The following SFTPD variants were observed in gnomAD, a reference collection of about 807,000 sequenced individuals.
SFTPD encodes pulmonary surfactant-associated protein D.
SFTPD carries 18 observed loss-of-function variants against 34.6 expected under a neutral mutation model. The observed-to-expected ratio is 0.52, with a 90% CI of 0.36 to 0.77. The LOEUF (loss-of-function observed/expected upper bound fraction) is 0.77. Among genes scored for constraint, SFTPD ranks in the 30% least tolerant of loss-of-function variants. SFTPD has a pLI of 0.00. For synonymous variants in SFTPD, 155 were observed against 180.9 expected, an observed-to-expected ratio of 0.86 and a Z score of 1.15; for missense variants, 433 against 468.9, an observed-to-expected ratio of 0.92 and a Z score of 0.71.
intron 1 of SFTPD, among the ~76,000 whole-genome samples, chr10:79,947,891 C>T (rs911720257): frequency 5.9e-5 from 9 of 152,224 alleles, no homozygotes; most frequent in East Asian, 1.9e-4. Flanking sequence ...AATGAGAAAC[C>T]GTAAAGTTAT....
At chr10:79,957,134 A>T (rs926284772) in intron 1 of SFTPD, among the ~76,000 whole-genome samples, 5 of 152,170 alleles carry the variant, frequency 3.3e-5, no homozygotes, top group African/African-American at 1.2e-4. Flanking sequence ...GGACATCCAC[A>T]CCAAAAACCC....
chr10:79,949,345 G>A (rs1477242997), upstream of SFTPD, among the ~76,000 whole-genome samples: 1 of 152,188 alleles, frequency 6.6e-6, no homozygotes, highest in Admixed American at 6.5e-5. Context: ...CTGCAGCTCT[G>A]TGAATTAAGT....
At chr10:79,961,606 A>G (rs1355290398) in intron 1 of SFTPD, among the ~76,000 whole-genome samples, 1 of 152,208 alleles carries the variant, frequency 6.6e-6, no homozygotes, top group Admixed American at 6.5e-5. Context: ...ACCATCTCAC[A>G]CCAGTTAGAA....
intron 1 of SFTPD, among the ~76,000 whole-genome samples, chr10:79,957,207 A>C (rs1842745258): frequency 1.3e-5 from 2 of 152,234 alleles, no homozygotes; most frequent in Admixed American, 1.3e-4. Context: ...GGGAAAAAAC[A>C]GAGCAGAAAA....
intron 1 of SFTPD, among the ~76,000 whole-genome samples, chr10:79,980,013 T>A (rs2132530493): frequency 6.6e-6 from 1 of 152,260 alleles, no homozygotes; most frequent in South Asian, 2.1e-4. Flanking sequence ...TCTAGACTCA[T>A]CTTGGGCCTG....
At chr10:79,980,815 C>T (rs190012910) in intron 1 of SFTPD, among the ~76,000 whole-genome samples, 89 of 152,338 alleles carry the variant, frequency 5.8e-4, no homozygotes, top group Middle Eastern at 3.4e-3. Flanking sequence ...AATTCGATTA[C>T]GACGCTCATT....
chr10:79,950,339 T>G (rs1272660300), upstream of SFTPD: 1 of 152,254 alleles, frequency 6.6e-6, no homozygotes, highest in Non-Finnish European at 1.5e-5. Context: ...TTCATTTCCA[T>G]GTTTAGAACT....
chr10:79,978,670 A>G, intron 1 of SFTPD, among the ~76,000 whole-genome samples: 1 of 151,390 alleles, frequency 6.6e-6, no homozygotes, highest in African/African-American at 2.4e-5. Context: ...AAAAAAAAAA[A>G]AAAAAAAGGT....
intron 3 of SFTPD, 109 bp from the exon 4 acceptor site, chr10:79,942,613 C>T (rs1842625462): frequency 1.1e-6 from 1 of 918,672 alleles, no homozygotes; most frequent in Non-Finnish European, 1.8e-6. Context: ...TTGTTGTCCT[C>T]CCAACAGCAG....
intron 1 of SFTPD, among the ~76,000 whole-genome samples, chr10:79,967,197 T>G (rs2132518664): frequency 7.8e-6 from 1 of 127,658 alleles, no homozygotes; most frequent in African/African-American, 3.2e-5. Flanking sequence ...GAACTCCCAT[T>G]CACAATTGCT....
At chr10:79,941,689 T>C (rs1024108648) in intron 5 of SFTPD, among the ~76,000 whole-genome samples, 175 bp from the exon 6 acceptor site, 1 of 152,054 alleles carries the variant, frequency 6.6e-6, no homozygotes, top group African/African-American at 2.4e-5. Context: ...CACCCAGCAA[T>C]CAACCCCGCT....
intron 1 of SFTPD, among the ~76,000 whole-genome samples, chr10:79,948,394 G>T (rs904069450): frequency 6.6e-6 from 1 of 152,200 alleles, no homozygotes; most frequent in Non-Finnish European, 1.5e-5. Flanking sequence ...GGAGAGGGCA[G>T]ACCCGGGTTT....
chr10:79,938,238 G>A lies in SFTPD; in HGVS notation c.752-10C>T. ...TTTGGGAAGAGCTCAACTAGGAGAA[G>A]AAGAAAGTCAGGTTGGGGTTGTGGC... On this transcript the variant is annotated splice_polypyrimidine_tract_variant and intron_variant, in intron 7 of 7. Transcript: ENST00000372292. 1 of 1,577,748 alleles carries A rather than the reference G, an allele frequency of 6.3e-7. No homozygotes were observed. The highest frequency in any genetic ancestry group is 8.6e-7 in the Non-Finnish European group (1 of 1,157,834).
At chr10:79,943,948 T>C (rs1255293263) in intron 2 of SFTPD, among the ~76,000 whole-genome samples, 1 of 151,834 alleles carries the variant, frequency 6.6e-6, no homozygotes, top group Non-Finnish European at 1.5e-5. Context: ...CAGAAGAGAG[T>C]GTTAGAGCCC....
chr10:79,972,260 G>A (rs1174408259), intron 1 of SFTPD: 1 of 152,260 alleles, frequency 6.6e-6, no homozygotes, highest in Non-Finnish European at 1.5e-5. Context: ...AGACCTTTGG[G>A]AGGCCAAGGC....
chr10:79,942,240 TTG>T, intron 4 of SFTPD, 146 bp downstream of exon 4: 1 of 723,374 alleles, frequency 1.4e-6, no homozygotes, highest in Non-Finnish European at 2.4e-6. Flanking sequence ...AATATTGCAG[TTG>T]TGGGGATTGG....
chr10:79,946,701 C>G lies in SFTPD; in HGVS notation c.-3-39G>C, dbSNP rs1046150881. On this transcript the variant is annotated intron_variant, in intron 1 of 7. Coordinates refer to ENST00000372292, the MANE Select transcript of SFTPD (RefSeq NM_003019.5). ...CAGAAAGAGAAAAGACATGCTTATG[C>G]TTCATGGACATGGTTTAGGGCTTGG... is the stretch of plus-strand genomic sequence containing the variant. The G allele has an allele frequency of 1.9e-6, 3 of 1,571,158 alleles. No individual in the cohort carries two copies. In the African/African-American group the frequency reaches 4.0e-5, roughly 21 times the overall value.
intron 1 of SFTPD, among the ~76,000 whole-genome samples, chr10:79,974,867 G>A (rs185450086): frequency 5.8e-4 from 89 of 152,332 alleles, no homozygotes; most frequent in African/African-American, 2.0e-3. Flanking sequence ...GAGGTGTAAA[G>A]TGGGAAATCA....
chr10:79,972,766 C>G (rs931751410), intron 1 of SFTPD: 5 of 152,248 alleles, frequency 3.3e-5, no homozygotes, highest in African/African-American at 1.2e-4. Flanking sequence ...TGGAACCAAA[C>G]CAAGGTAATG....
Sources: allele counts gnomAD v4.1 joint callset (sites outside exome capture counted in the v4.1 genomes callset), GRCh38; gene constraint gnomAD v4.1.1; transcripts MANE v1.5; gene names NCBI Gene and HGNC (gene_info 2026-07-23, HGNC 2026-07-21).